The following BRWD1 variants were observed in gnomAD, a reference collection of about 807,000 sequenced individuals.
BRWD1 encodes the protein bromodomain and WD repeat-containing protein 1.
In BRWD1, 82 loss-of-function variants were observed where a neutral mutation model predicts 251.2. That is an observed-to-expected ratio of 0.33 (90% CI 0.27 to 0.39). BRWD1 has a LOEUF of 0.39. Among genes scored for constraint, BRWD1 ranks in the 10% least tolerant of loss-of-function variants. The pLI, the probability that BRWD1 is intolerant of heterozygous loss-of-function variation, is 1.00. For missense variants in BRWD1, 2,233 were observed against 2,711.6 expected (o/e 0.82, Z 3.92); for synonymous variants, 918 against 902.8 (o/e 1.02, Z -0.30).
chr21:39,256,841 C>A (rs559191944), intron 18 of BRWD1, among the ~76,000 whole-genome samples: 3 of 152,208 alleles, frequency 2.0e-5, no homozygotes, highest in Admixed American at 6.5e-5. Context: ...GAAAAATCCA[C>A]GAGTGAATGC....
chr21:39,205,989 A>G (rs2032371235), intron 37 of BRWD1, 119 bp downstream of exon 37: 1 of 995,474 alleles, frequency 1.0e-6, no homozygotes, highest in Admixed American at 2.4e-5. Flanking sequence ...CTGAGGCAGG[A>G]AAATCACTTG....
At chr21:39,204,228 A>G in intron 37 of BRWD1, among the ~76,000 whole-genome samples, 1 of 150,334 alleles carries the variant, frequency 6.7e-6, no homozygotes. Context: ...TACTAGAGCC[A>G]AGTTCCTATA....
intron 10 of BRWD1, among the ~76,000 whole-genome samples, chr21:39,278,334 A>G (rs1297306850): frequency 6.6e-6 from 1 of 152,260 alleles, no homozygotes; most frequent in Non-Finnish European, 1.5e-5. Flanking sequence ...AAAGGTTACC[A>G]CACAAGTTCA....
intron 15 of BRWD1, among the ~76,000 whole-genome samples, chr21:39,266,202 G>A (rs1223108387): frequency 6.6e-6 from 1 of 152,092 alleles, no homozygotes; most frequent in Non-Finnish European, 1.5e-5. Context: ...ATTAGCAAAC[G>A]TGGAAAAAAT....
intron 11 of BRWD1, among the ~76,000 whole-genome samples, chr21:39,276,963 G>C (rs957854224): frequency 6.6e-6 from 1 of 152,014 alleles, no homozygotes; most frequent in African/African-American, 2.4e-5. Context: ...ATTGTACCTA[G>C]ACATTTTCAT....
chr21:39,217,847 GAAA>G (rs2033018973), intron 31 of BRWD1, among the ~76,000 whole-genome samples: 1 of 151,764 alleles, frequency 6.6e-6, no homozygotes, highest in Non-Finnish European at 1.5e-5. Context: ...TATGAGGATA[GAAA>G]AATTCTCATT....
chr21:39,292,083 A>G (rs577733336), intron 8 of BRWD1, among the ~76,000 whole-genome samples: 2 of 122,734 alleles, frequency 1.6e-5, no homozygotes, highest in African/African-American at 6.3e-5. Context: ...CCGAGACTAC[A>G]GGCGTGTGCT....
At chr21:39,216,113 G>A (rs1048339773) in intron 31 of BRWD1, among the ~76,000 whole-genome samples, 1 of 152,142 alleles carries the variant, frequency 6.6e-6, no homozygotes, top group Non-Finnish European at 1.5e-5. Context: ...AAATTACGTC[G>A]ATAATGTGGA....
Position 39,185,884 on chromosome 21 carries a change from G to A in BRWD1, c.*10375C>T, listed in dbSNP as rs1343021951. The stretch of plus-strand genomic sequence containing the variant: ...ACACGTTACTATGTTAAAAAGATGC[G>A]ACAGTATATTCATTTAATCTGGCAA... On this transcript the variant is annotated 3_prime_UTR_variant, in exon 41 of 41. Coordinates refer to ENST00000342449, the MANE Select transcript of BRWD1 (RefSeq NM_033656.4). 3 of 152,064 alleles carry A rather than the reference G, an allele frequency of 2.0e-5. No individual in the cohort carries two copies. The highest frequency in any genetic ancestry group is 4.4e-5 in the Non-Finnish European group (3 of 67,984). 9.4% of individuals were successfully genotyped at this position (152,064 alleles called of 1,614,324 possible).
chr21:39,199,425 C>A lies in BRWD1; in HGVS notation c.4991G>T (p.Arg1664Leu). The A allele has an allele frequency of 1.2e-6, 2 of 1,614,216 alleles. No individual in the cohort carries two copies. Among genetic ancestry groups the A allele is most frequent in the Non-Finnish European group, 1.7e-6 (2 of 1,180,038 alleles). ...TTTTCTAGCTACAGCAGAAGCATTG[C>A]GGTGAGGCAGCTTCCGACCAGAACA... ...SVCSGRKLPH[R>L]NASAVARKKL... The change falls in exon 40 of 41, where the codon CGC (arginine) becomes CTC (leucine). Residue 1664 changes from arginine to leucine, a missense_variant. Arg to Leu is a moderately radical substitution (Grantham distance 102). Around this residue, in one of 12 missense-constraint regions of BRWD1, gnomAD observed 928 missense variants for 970.0 expected, o/e 0.96. Coordinates refer to ENST00000342449, the MANE Select transcript of BRWD1 (RefSeq NM_033656.4).
At chr21:39,302,473 C>T (rs115607456) in intron 4 of BRWD1, among the ~76,000 whole-genome samples, 1,790 of 152,070 alleles carry the variant, frequency 0.012, 30 homozygotes, top group African/African-American at 0.041. Context: ...GTGGTAAGGC[C>T]GGGCTGAGAG....
chr21:39,226,012 T>C (rs972749015), intron 27 of BRWD1, among the ~76,000 whole-genome samples: 1 of 152,232 alleles, frequency 6.6e-6, no homozygotes, highest in South Asian at 2.1e-4. Flanking sequence ...TGCCTCAATT[T>C]TGAGAGGCCA....
At chr21:39,235,085 C>T (rs2033761679) in intron 23 of BRWD1, among the ~76,000 whole-genome samples, 1 of 152,076 alleles carries the variant, frequency 6.6e-6, no homozygotes, top group African/African-American at 2.4e-5. Flanking sequence ...CATGTCTCTA[C>T]TAAAAATACG....
At chr21:39,273,652 C>T in intron 13 of BRWD1, among the ~76,000 whole-genome samples, 1 of 151,868 alleles carries the variant, frequency 6.6e-6, no homozygotes, top group East Asian at 1.9e-4. Flanking sequence ...GGGGGACAGG[C>T]TGAGATGGGG....
intron 36 of BRWD1, among the ~76,000 whole-genome samples, chr21:39,208,988 A>G (rs982713673): frequency 2.0e-5 from 3 of 151,840 alleles, no homozygotes; most frequent in African/African-American, 4.8e-5. Flanking sequence ...CAAAAAAAAA[A>G]AAAGAAAGAA....
At chr21:39,306,649 C>G (rs549721603) in intron 4 of BRWD1, among the ~76,000 whole-genome samples, 1 of 152,072 alleles carries the variant, frequency 6.6e-6, no homozygotes, top group Non-Finnish European at 1.5e-5. Flanking sequence ...CATTAGAAAA[C>G]TCATTAAGAT....
chr21:39,314,343 C>T (rs763101921), upstream of BRWD1: 13 of 455,784 alleles, frequency 2.9e-5, no homozygotes, highest in Admixed American at 1.9e-4. Context: ...AAATGCAGCG[C>T]TTCGCCGAGG....
intron 4 of BRWD1, among the ~76,000 whole-genome samples, chr21:39,302,966 A>C (rs950337552): frequency 1.1e-4 from 16 of 151,914 alleles, no homozygotes; most frequent in Non-Finnish European, 2.2e-4. Flanking sequence ...AGGCTGAGGC[A>C]GAGAACTGCT....
intron 13 of BRWD1, among the ~76,000 whole-genome samples, chr21:39,271,573 T>G (rs1177776859): frequency 1.3e-5 from 2 of 151,186 alleles, no homozygotes; most frequent in African/African-American, 4.9e-5. Context: ...GGTGGGCACC[T>G]GTAGTCCCTA....
Sources: allele counts gnomAD v4.1 joint callset (sites outside exome capture counted in the v4.1 genomes callset), GRCh38; gene constraint gnomAD v4.1.1; regional missense constraint gnomAD v4.1.1; transcripts MANE v1.5; gene names NCBI Gene and HGNC (gene_info 2026-07-23, HGNC 2026-07-21).